The following NRG3 variants were observed in gnomAD, a reference collection of about 807,000 sequenced individuals.
The protein encoded by NRG3 is neuregulin 3, also known as pro-neuregulin-3, membrane-bound isoform.
A neutral mutation model predicts 66.9 loss-of-function variants in NRG3; 31 were observed. That is an observed-to-expected ratio of 0.46 (90% confidence interval 0.35 to 0.63). The LOEUF (loss-of-function observed/expected upper bound fraction) is 0.63. Among genes scored for constraint, NRG3 ranks in the 20% least tolerant of loss-of-function variants. The probability of loss-of-function intolerance (pLI) is 0.00; values close to 1 mark genes in which losing one functional copy is unlikely to be tolerated. For missense variants in NRG3, 910 were observed against 878.9 expected (o/e 1.04, Z -0.45); for synonymous variants, 393 against 359.4 (o/e 1.09, Z -1.06).
At chr10:82,251,978 G>T (rs2077510466) in intron 1 of NRG3, among the ~76,000 whole-genome samples, 1 of 152,120 alleles carries the variant, frequency 6.6e-6, no homozygotes, top group Admixed American at 6.5e-5. Flanking sequence ...CCCATCAGGG[G>T]CTTATGGCTT....
intron 1 of NRG3, among the ~76,000 whole-genome samples, chr10:82,108,136 A>G (rs1388996402): frequency 2.0e-5 from 3 of 152,228 alleles, no homozygotes; most frequent in East Asian, 1.9e-4. Flanking sequence ...AAGAACGACA[A>G]AGTAATCAGA....
intron 4 of NRG3, among the ~76,000 whole-genome samples, chr10:82,902,833 T>G (rs565036063): frequency 6.6e-6 from 1 of 152,256 alleles, no homozygotes; most frequent in South Asian, 2.1e-4. Flanking sequence ...TTTGGAGATC[T>G]TTGAGTTTTT....
chr10:81,895,697 C>T (rs994384801), intron 1 of NRG3, among the ~76,000 whole-genome samples: 1 of 152,020 alleles, frequency 6.6e-6, no homozygotes, highest in African/African-American at 2.4e-5. Flanking sequence ...GATGTTAAGT[C>T]AGGAAGATAA....
At chr10:82,153,753 A>C (rs904308714) in intron 1 of NRG3, among the ~76,000 whole-genome samples, 1 of 151,814 alleles carries the variant, frequency 6.6e-6, no homozygotes, top group South Asian at 2.1e-4. Context: ...GATATTAGCT[A>C]TCCTACAGGT....
chr10:82,929,712 C>T (rs1424991106), intron 4 of NRG3, among the ~76,000 whole-genome samples: 1 of 151,838 alleles, frequency 6.6e-6, no homozygotes, highest in Non-Finnish European at 1.5e-5. Flanking sequence ...AACCCCATGT[C>T]TACTAAAAAT....
chr10:82,949,026 A>AT (rs1485643463), intron 4 of NRG3, among the ~76,000 whole-genome samples: 1 of 152,060 alleles, frequency 6.6e-6, no homozygotes, highest in Non-Finnish European at 1.5e-5. Flanking sequence ...CTAGATATAG[A>AT]TTTTTTATAG....
intron 1 of NRG3, among the ~76,000 whole-genome samples, chr10:82,334,496 G>C (rs1490169102): frequency 6.6e-6 from 1 of 152,188 alleles, no homozygotes; most frequent in Non-Finnish European, 1.5e-5. Context: ...CAATGTCTGA[G>C]CCAAGCAAGA....
chr10:82,629,753 A>G (rs1280837866), intron 2 of NRG3, among the ~76,000 whole-genome samples: 2 of 152,164 alleles, frequency 1.3e-5, no homozygotes, highest in African/African-American at 2.4e-5. Flanking sequence ...CCATGATTCC[A>G]TTATACTTCA....
intron 2 of NRG3, among the ~76,000 whole-genome samples, chr10:82,391,138 C>A (rs968953798): frequency 6.6e-6 from 1 of 152,124 alleles, no homozygotes; most frequent in Admixed American, 6.5e-5. Context: ...AAACGTATGA[C>A]AACATTGCTA....
intron 1 of NRG3, among the ~76,000 whole-genome samples, chr10:82,277,214 G>A (rs928264968): frequency 6.6e-6 from 1 of 151,702 alleles, no homozygotes; most frequent in Non-Finnish European, 1.5e-5. Context: ...AGTACGTTTT[G>A]GATCATAAAA....
At chr10:82,124,570 TG>T (rs1251742929) in intron 1 of NRG3, among the ~76,000 whole-genome samples, 1 of 150,054 alleles carries the variant, frequency 6.7e-6, no homozygotes, top group African/African-American at 2.5e-5. Context: ...TGTCGGGGGG[TG>T]GAGGGCAAGA....
At chr10:82,515,701 A>C (rs1845585820) in intron 2 of NRG3, among the ~76,000 whole-genome samples, 1 of 152,150 alleles carries the variant, frequency 6.6e-6, no homozygotes, top group South Asian at 2.1e-4. Flanking sequence ...CATCAATAAC[A>C]AACCCATTAA....
intron 2 of NRG3, among the ~76,000 whole-genome samples, chr10:82,472,629 CAG>C (rs1428585171): frequency 6.6e-6 from 1 of 152,218 alleles, no homozygotes; most frequent in Admixed American, 6.5e-5. Flanking sequence ...ACAGACACCT[CAG>C]GGGAGACATT....
intron 3 of NRG3, among the ~76,000 whole-genome samples, chr10:82,775,822 T>G (rs1356758944): frequency 1.3e-5 from 2 of 152,146 alleles, no homozygotes; most frequent in South Asian, 4.1e-4. Flanking sequence ...GTTTAGGTGC[T>G]TTAGTGTTAC....
intron 1 of NRG3, among the ~76,000 whole-genome samples, chr10:82,040,940 T>A (rs17099185): frequency 0.25 from 38,497 of 151,994 alleles, 5,038 homozygotes; most frequent in East Asian, 0.42. Flanking sequence ...ATGCCCAAAG[T>A]GAACACATTT....
intron 1 of NRG3, among the ~76,000 whole-genome samples, chr10:82,088,861 C>G (rs2065872102): frequency 6.6e-6 from 1 of 152,062 alleles, no homozygotes; most frequent in Admixed American, 6.6e-5. Context: ...TGAAGTGGGT[C>G]AAAATCAGTG....
chr10:82,674,983 G>A (rs997019537), intron 2 of NRG3, among the ~76,000 whole-genome samples: 4 of 134,472 alleles, frequency 3.0e-5, no homozygotes, highest in African/African-American at 1.0e-4. Context: ...TTTTTGAGAC[G>A]GAACCTCACT....
intron 2 of NRG3, among the ~76,000 whole-genome samples, chr10:82,414,224 T>A (rs1590045996): frequency 6.6e-6 from 1 of 152,060 alleles, no homozygotes; most frequent in African/African-American, 2.4e-5. Flanking sequence ...ACAGAGGCGG[T>A]TGTAAGTTTA....
chr10:82,031,541 A>G (rs531260077), intron 1 of NRG3, among the ~76,000 whole-genome samples: 55 of 152,286 alleles, frequency 3.6e-4, no homozygotes, highest in Admixed American at 7.2e-4. Flanking sequence ...CAATGCTAAC[A>G]TATTATTGTA....
Sources: allele counts gnomAD v4.1 joint callset (sites outside exome capture counted in the v4.1 genomes callset), GRCh38; gene constraint gnomAD v4.1.1; transcripts MANE v1.5; gene names NCBI Gene and HGNC (gene_info 2026-07-23, HGNC 2026-07-21).